Variants in ELK3 observed in about 807,000 individuals in gnomAD.
The protein encoded by ELK3 is ETS domain-containing protein Elk-3.
Under a neutral mutation model 28.9 loss-of-function variants are expected in ELK3, and 10 were observed. The ratio of observed to expected loss-of-function variants is 0.35; its 90% CI spans 0.21 to 0.59. ELK3 has a LOEUF of 0.59. Among genes scored for constraint, ELK3 ranks in the 20% least tolerant of loss-of-function variants. ELK3 has a pLI of 0.82. For missense variants in ELK3, 463 were observed against 517.3 expected (o/e 0.90, Z 1.02); for synonymous variants, 272 against 243.5 (o/e 1.12, Z -1.09).
chr12:96,235,821 T>A (rs1425336806), intron 2 of ELK3, among the ~76,000 whole-genome samples: 2 of 152,072 alleles, frequency 1.3e-5, no homozygotes, highest in African/African-American at 4.8e-5. Flanking sequence ...TTTTATTTAT[T>A]TTTATTTATT....
intron 2 of ELK3, among the ~76,000 whole-genome samples, chr12:96,242,506 T>C (rs1228028911): frequency 1.3e-5 from 2 of 152,218 alleles, no homozygotes; most frequent in Admixed American, 6.5e-5. Context: ...CAGCAAACTC[T>C]TGGAAGGAAA....
At chr12:96,225,758 C>T (rs1951694697) in intron 2 of ELK3, among the ~76,000 whole-genome samples, 1 of 152,212 alleles carries the variant, frequency 6.6e-6, no homozygotes, top group Non-Finnish European at 1.5e-5. Flanking sequence ...CCATTCATTT[C>T]CTTTGCCTTT....
intron 1 of ELK3, among the ~76,000 whole-genome samples, chr12:96,219,902 G>A (rs865911420): frequency 6.6e-5 from 10 of 152,158 alleles, no homozygotes; most frequent in Non-Finnish European, 8.8e-5. Context: ...TCAAGAGAGC[G>A]CGAGAAGAGG....
chr12:96,208,872 G>T (rs962085191), intron 1 of ELK3, among the ~76,000 whole-genome samples: 2 of 152,260 alleles, frequency 1.3e-5, no homozygotes, highest in African/African-American at 4.8e-5. Flanking sequence ...AGCTGGGCCA[G>T]GGAAAGGGGA....
Position 96,247,845 on chromosome 12 carries a change from C to T in ELK3, c.1002+111C>T, listed in dbSNP as rs1419039351. ...TCCCTCAAAACGTTGTCCTATGACTCGTACCGAGGTCACTGTGTAAATGTG... is the reference window on the plus strand; with the variant it reads ...TCCCTCAAAACGTTGTCCTATGACTTGTACCGAGGTCACTGTGTAAATGTG... On this transcript the variant is annotated intron_variant, in intron 3 of 4. Coordinates refer to ENST00000228741, the MANE Select transcript of ELK3 (RefSeq NM_005230.4). The surrounding 1 kb of genome is among the most constrained non-coding windows in gnomAD (Gnocchi z 5.5). 11 of 1,280,110 alleles carry T rather than the reference C, an allele frequency of 8.6e-6. No individual in the cohort carries two copies. The highest frequency in any genetic ancestry group is 7.6e-5 in the East Asian group (3 of 39,270). The allele number at this position is 1,280,110 out of a possible 1,614,324, so 79.3% of individuals were successfully genotyped here.
At chr12:96,239,117 C>T (rs534412653) in intron 2 of ELK3, among the ~76,000 whole-genome samples, 1 of 152,200 alleles carries the variant, frequency 6.6e-6, no homozygotes, top group South Asian at 2.1e-4. Context: ...TAATACATAT[C>T]AAATATACAT....
chr12:96,222,349 A>G (rs1951667985), intron 1 of ELK3, among the ~76,000 whole-genome samples: 1 of 152,230 alleles, frequency 6.6e-6, no homozygotes, highest in African/African-American at 2.4e-5. Context: ...TAGCCAGAAG[A>G]AATAGCATTT....
At chr12:96,250,847 C>T (rs554437587) in intron 3 of ELK3, among the ~76,000 whole-genome samples, 4 of 152,094 alleles carry the variant, frequency 2.6e-5, no homozygotes, top group Non-Finnish European at 5.9e-5. Context: ...TGTAATAACC[C>T]GATACCCTGA....
chr12:96,245,904 G>A (rs973179297), intron 2 of ELK3, among the ~76,000 whole-genome samples: 3 of 152,096 alleles, frequency 2.0e-5, no homozygotes, highest in Non-Finnish European at 4.4e-5. Context: ...TTGAGGACTG[G>A]AGCCATAAAC....
intron 1 of ELK3, among the ~76,000 whole-genome samples, chr12:96,209,104 G>A (rs1441111530): frequency 6.6e-6 from 1 of 152,224 alleles, no homozygotes; most frequent in Admixed American, 6.5e-5. Context: ...TGCAGCGTGT[G>A]TGCACACGTG....
rs574153499 is a variant in ELK3, at chr12:96,238,054, G to T, written c.208-8886G>T. On this transcript the variant is annotated intron_variant, in intron 2 of 4. Coordinates refer to ENST00000228741, the MANE Select transcript of ELK3 (RefSeq NM_005230.4). Reference sequence around the variant, plus strand: ...CTCGGGTCTCACATCTGTGAAGTGGGTATCAAAGCGTTGTGAGGCTAACAT... The same window carrying T: ...CTCGGGTCTCACATCTGTGAAGTGGTTATCAAAGCGTTGTGAGGCTAACAT... 4.6e-5 allele frequency among the ~76,000 whole-genome samples: 7 copies of T among 152,332 alleles called. 1 individual carries two copies. In the South Asian group the frequency reaches 8.3e-4, roughly 18 times the overall value.
At chr12:96,241,746 G>A (rs1951823011) in intron 2 of ELK3, among the ~76,000 whole-genome samples, 1 of 152,212 alleles carries the variant, frequency 6.6e-6, no homozygotes, top group Admixed American at 6.5e-5. Context: ...TTGCCCTTTA[G>A]GCTACTACTG....
At chr12:96,225,012 T>C (rs1951688934) in intron 2 of ELK3, among the ~76,000 whole-genome samples, 1 of 152,216 alleles carries the variant, frequency 6.6e-6, no homozygotes, top group Admixed American at 6.5e-5. Flanking sequence ...CTAAAGGTGC[T>C]CTCCTTTAAC....
At chr12:96,220,849 A>G (rs1189311142) in intron 1 of ELK3, among the ~76,000 whole-genome samples, 1 of 152,142 alleles carries the variant, frequency 6.6e-6, no homozygotes, top group Non-Finnish European at 1.5e-5. Context: ...ACTGGCTTAC[A>G]GTGGCATTTA....
intron 2 of ELK3, among the ~76,000 whole-genome samples, chr12:96,229,578 C>T (rs147126171): frequency 1.6e-5 from 2 of 125,584 alleles, no homozygotes; most frequent in African/African-American, 3.1e-5. Flanking sequence ...GTCGCCCAGG[C>T]TGGAGTGCAA....
intron 1 of ELK3, among the ~76,000 whole-genome samples, chr12:96,214,747 T>A (rs1951598916): frequency 6.6e-6 from 1 of 152,166 alleles, no homozygotes; most frequent in Non-Finnish European, 1.5e-5. Context: ...TTTTTTCAAA[T>A]ATTATCCTTA....
At chr12:96,254,093 A>AG (rs1661691648) in intron 3 of ELK3, among the ~76,000 whole-genome samples, 2 of 152,224 alleles carry the variant, frequency 1.3e-5, no homozygotes, top group Admixed American at 6.5e-5. Flanking sequence ...AGGGAGGCCA[A>AG]GGGGGCGGAT....
At chr12:96,260,628 AG>A (rs1215504949) in intron 4 of ELK3, among the ~76,000 whole-genome samples, 1 of 152,232 alleles carries the variant, frequency 6.6e-6, no homozygotes, top group Admixed American at 6.5e-5. Flanking sequence ...TGGAGAAATC[AG>A]TATTTCCTCC....
At chr12:96,252,037 G>A (rs969196055) in intron 3 of ELK3, among the ~76,000 whole-genome samples, 12 of 152,254 alleles carry the variant, frequency 7.9e-5, no homozygotes, top group African/African-American at 2.9e-4. Context: ...CCTGGCTTCA[G>A]AGCTTCAAAG....
Sources: allele counts gnomAD v4.1 joint callset (sites outside exome capture counted in the v4.1 genomes callset), GRCh38; gene constraint gnomAD v4.1.1; non-coding constraint Gnocchi (gnomAD v3.1); transcripts MANE v1.5; gene names NCBI Gene and HGNC (gene_info 2026-07-23, HGNC 2026-07-21).